The following NTM variants were observed in gnomAD, a reference collection of about 807,000 sequenced individuals.
The protein encoded by NTM is IgLON family member 2.
NTM carries 13 observed loss-of-function variants against 42.1 expected under a neutral mutation model. The ratio of observed to expected loss-of-function variants is 0.31; its 90% confidence interval spans 0.20 to 0.49. The LOEUF (loss-of-function observed/expected upper bound fraction) is 0.49. Ranked by LOEUF, NTM falls within the 20% of genes least tolerant of loss-of-function variation. The probability of loss-of-function intolerance (pLI) is 0.99; values close to 1 mark genes in which losing one functional copy is unlikely to be tolerated. For missense variants in NTM, 373 were observed against 452.8 expected (o/e 0.82, Z 1.60); for synonymous variants, 187 against 179.2 (o/e 1.04, Z -0.35).
At chr11:131,938,431 C>T (rs534551181) in intron 2 of NTM, among the ~76,000 whole-genome samples, 2 of 152,322 alleles carry the variant, frequency 1.3e-5, no homozygotes, top group East Asian at 3.9e-4. Flanking sequence ...ACGGAAGTCA[C>T]TGGGGCTGAT....
At chr11:132,080,197 A>T (rs1015646729) in intron 2 of NTM, among the ~76,000 whole-genome samples, 4 of 152,330 alleles carry the variant, frequency 2.6e-5, no homozygotes, top group African/African-American at 9.6e-5. Context: ...GCTGAAAAAA[A>T]AAATCAATGC....
chr11:131,972,953 A>G (rs2063769967), intron 2 of NTM, among the ~76,000 whole-genome samples: 1 of 152,232 alleles, frequency 6.6e-6, no homozygotes, highest in African/African-American at 2.4e-5. Context: ...ACAATTCAAC[A>G]ATAACCAGGC....
chr11:131,401,807 T>C (rs1401728528), intron 1 of NTM, among the ~76,000 whole-genome samples: 54 of 8,672 alleles, frequency 6.2e-3, no homozygotes, highest in Admixed American at 0.019. Flanking sequence ...GAAATATATA[T>C]ATATATATAT....
intron 2 of NTM, among the ~76,000 whole-genome samples, chr11:132,094,483 T>A (rs1223439751): frequency 6.6e-6 from 1 of 152,184 alleles, no homozygotes; most frequent in East Asian, 1.9e-4. Context: ...CATTTTTCCC[T>A]GCCAGACTCT....
At chr11:131,414,950 C>T (rs977881348) in intron 1 of NTM, among the ~76,000 whole-genome samples, 1 of 152,174 alleles carries the variant, frequency 6.6e-6, no homozygotes, top group African/African-American at 2.4e-5. Flanking sequence ...AGCCCCAAAC[C>T]CAACAGATTC....
chr11:131,571,389 CT>C (rs1353198515), intron 1 of NTM, among the ~76,000 whole-genome samples: 1 of 152,108 alleles, frequency 6.6e-6, no homozygotes, highest in Non-Finnish European at 1.5e-5. Context: ...GGTATTATGC[CT>C]GTGTTAATCT....
chr11:131,830,656 T>C (rs913239488), intron 1 of NTM, among the ~76,000 whole-genome samples: 1 of 152,204 alleles, frequency 6.6e-6, no homozygotes, highest in Non-Finnish European at 1.5e-5. Flanking sequence ...ATTTGGGCTC[T>C]TTTTTGGTTC....
intron 1 of NTM, among the ~76,000 whole-genome samples, chr11:131,889,716 A>C (rs2050968102): frequency 6.6e-6 from 1 of 152,146 alleles, no homozygotes; most frequent in East Asian, 1.9e-4. Flanking sequence ...TACGAACAAC[A>C]GAGTGGGAAG....
At chr11:132,086,696 A>C (rs1169304760) in intron 2 of NTM, among the ~76,000 whole-genome samples, 1 of 152,346 alleles carries the variant, frequency 6.6e-6, no homozygotes, top group East Asian at 1.9e-4. Context: ...CTTTACAGTA[A>C]ATATAAACAG....
At chr11:131,470,910 T>C (rs1206624051) in intron 1 of NTM, among the ~76,000 whole-genome samples, 1 of 152,202 alleles carries the variant, frequency 6.6e-6, no homozygotes, top group African/African-American at 2.4e-5. Context: ...CTTTATTATC[T>C]AGACCATGTA....
At chr11:131,670,349 C>A (rs1214995959) in intron 1 of NTM, among the ~76,000 whole-genome samples, 1 of 151,822 alleles carries the variant, frequency 6.6e-6, no homozygotes, top group African/African-American at 2.4e-5. Flanking sequence ...TTCTCTCCCT[C>A]TCTCTCTTAC....
intron 3 of NTM, among the ~76,000 whole-genome samples, chr11:132,187,255 G>A (rs965392710): frequency 2.7e-5 from 4 of 150,252 alleles, no homozygotes; most frequent in Non-Finnish European, 4.4e-5. Context: ...GTGCGTGTGC[G>A]TGTTTTAAGG....
chr11:132,059,585 C>G (rs2080279975), intron 2 of NTM, among the ~76,000 whole-genome samples: 1 of 152,094 alleles, frequency 6.6e-6, no homozygotes, highest in Non-Finnish European at 1.5e-5. Context: ...GTTAGCAGTC[C>G]TATAAATTGA....
chr11:131,662,701 C>A (rs947770328), intron 1 of NTM, among the ~76,000 whole-genome samples: 1 of 152,114 alleles, frequency 6.6e-6, no homozygotes, highest in Non-Finnish European at 1.5e-5. Flanking sequence ...GCAACATAAT[C>A]GCTTCTTGGT....
At chr11:131,831,028 C>A (rs1278244357) in intron 1 of NTM, among the ~76,000 whole-genome samples, 2 of 152,288 alleles carry the variant, frequency 1.3e-5, no homozygotes, top group Non-Finnish European at 2.9e-5. Context: ...GATTCCGAAA[C>A]TTTACTGAAG....
At chr11:131,693,393 CG>C (rs973916221) in intron 1 of NTM, among the ~76,000 whole-genome samples, 73 of 152,150 alleles carry the variant, frequency 4.8e-4, no homozygotes, top group African/African-American at 1.7e-3. Flanking sequence ...CAACCTTAGC[CG>C]GGACGGAGTT....
At chr11:131,826,564 T>TA (rs61647362) in intron 1 of NTM, among the ~76,000 whole-genome samples, 26,372 of 143,466 alleles carry the variant, frequency 0.18, 3,345 homozygotes, top group African/African-American at 0.36. Flanking sequence ...CGTAATATTC[T>TA]AAAAAAAAAA....
intron 2 of NTM, among the ~76,000 whole-genome samples, chr11:132,114,590 C>T (rs1566198502): frequency 6.6e-6 from 1 of 152,178 alleles, no homozygotes; most frequent in Non-Finnish European, 1.5e-5. Flanking sequence ...TTTGTATTTG[C>T]AGATAACTCA....
At chr11:132,253,548 A>G (rs1168678970) in intron 4 of NTM, among the ~76,000 whole-genome samples, 2 of 152,236 alleles carry the variant, frequency 1.3e-5, no homozygotes, top group Non-Finnish European at 2.9e-5. Flanking sequence ...TGCTAGCTCT[A>G]GGAAAACAAA....
Sources: gnomAD v4.1 joint callset for allele counts (sites outside exome capture counted in the v4.1 genomes callset) on GRCh38, gnomAD v4.1.1 for gene constraint, MANE v1.5 for transcripts, NCBI Gene and HGNC (gene_info 2026-07-23, HGNC 2026-07-21) for gene names.